Variants in APC observed in about 807,000 individuals in gnomAD.
APC encodes adenomatous polyposis coli protein.
APC carries 72 observed loss-of-function variants against 247.0 expected under a neutral mutation model. The observed-to-expected ratio is 0.29, with a 90% CI of 0.24 to 0.35. The LOEUF is 0.35. APC is among the 10% of genes least tolerant of loss of function. The pLI is 1.00. For synonymous variants in APC, 1,254 were observed against 1,162.5 expected, an observed-to-expected ratio of 1.08 and a Z score of -1.60; for missense variants, 3,400 against 3,360.7, an observed-to-expected ratio of 1.01 and a Z score of -0.29.
chr5:112,812,825 A>G (rs1203348824), intron 8 of APC, among the ~76,000 whole-genome samples: 1 of 152,218 alleles, frequency 6.6e-6, no homozygotes, highest in Non-Finnish European at 1.5e-5. Flanking sequence ...GGCTCAGGCA[A>G]TATTTGTTGC....
rs763673039 is a variant in APC at position 112,844,334 on chromosome 5, AAAAT to A, written c.*210_*213del. 615 of 578,182 alleles carry A rather than the reference AAAAT, an allele frequency of 1.1e-3. 1 individual carries two copies. Among genetic ancestry groups the A allele is most frequent in the Non-Finnish European group, 1.5e-3 (498 of 332,050 alleles). The allele number at this position is 578,182 out of a possible 1,614,324, so 35.8% of individuals were successfully genotyped here. A position where few individuals can be genotyped will look rare whatever the true frequency, so the allele number is the denominator to read the frequency against. On this transcript the variant is annotated 3_prime_UTR_variant, in exon 16 of 16. Transcript: ENST00000257430. ...GGAGGCACTCTTGATGGTTAGGAAA[AAAAT>A]AGTAAAGCCAAGTATGTTTGTACAG...
intron 6 of APC, among the ~76,000 whole-genome samples, chr5:112,787,534 G>C (rs955748611): frequency 6.6e-6 from 1 of 152,140 alleles, no homozygotes; most frequent in Non-Finnish European, 1.5e-5. Flanking sequence ...CTTAAACTTT[G>C]TATTTTCCTG....
At chr5:112,752,401 T>G (rs1754481842) in intron 1 of APC, among the ~76,000 whole-genome samples, 1 of 152,206 alleles carries the variant, frequency 6.6e-6, no homozygotes, top group Admixed American at 6.5e-5. Flanking sequence ...TAAATTTATT[T>G]TCTAATGAAC....
intron 5 of APC, among the ~76,000 whole-genome samples, chr5:112,777,269 T>C (rs1757758050): frequency 1.3e-5 from 2 of 151,464 alleles, no homozygotes; most frequent in Admixed American, 1.3e-4. Context: ...ATTTTCTTTA[T>C]ACACACACAC....
intron 7 of APC, among the ~76,000 whole-genome samples, chr5:112,798,737 T>C (rs1760472490): frequency 6.6e-6 from 1 of 151,412 alleles, no homozygotes; most frequent in African/African-American, 2.4e-5. Flanking sequence ...AGTGAAAGAA[T>C]AAAAAAAAGT....
chr5:112,740,505 G>GT (rs1376170959), intron 1 of APC, among the ~76,000 whole-genome samples: 2 of 125,160 alleles, frequency 1.6e-5, no homozygotes, highest in South Asian at 5.4e-4. Context: ...TGAAGTTTTT[G>GT]TTTTTTGTGT....
intron 4 of APC, among the ~76,000 whole-genome samples, chr5:112,769,380 A>C (rs1756768579): frequency 6.6e-6 from 1 of 152,086 alleles, no homozygotes; most frequent in South Asian, 2.1e-4. Context: ...TATAAGTTTT[A>C]ATACCTGAAA....
intron 4 of APC, among the ~76,000 whole-genome samples, chr5:112,773,924 T>C (rs1757320467): frequency 6.6e-6 from 1 of 152,030 alleles, no homozygotes; most frequent in African/African-American, 2.4e-5. Flanking sequence ...TTAAAAAAAC[T>C]AGACATGAAA....
At chr5:112,740,205 C>T (rs950801245) in intron 1 of APC, among the ~76,000 whole-genome samples, 7 of 152,278 alleles carry the variant, frequency 4.6e-5, no homozygotes, top group Non-Finnish European at 1.0e-4. Context: ...AATGGAGAAG[C>T]AGCAGTTTTC....
At position 112,843,266 on chromosome 5, in the gene APC, C is replaced by G. The variant is rs766065118; in HGVS notation, c.7672C>G (p.Leu2558Val). 6.2e-7 allele frequency: 1 copy of G among 1,613,636 alleles called. No homozygotes were observed. Among genetic ancestry groups the G allele is most frequent in the Non-Finnish European group, 8.5e-7 (1 of 1,179,578 alleles). Reference sequence around the variant, plus strand: ...TGAGCACAGCAAACATTCATCATCCCTTCCTCGAGTAAGCACTTGGAGAAG... The same window carrying G: ...TGAGCACAGCAAACATTCATCATCCGTTCCTCGAGTAAGCACTTGGAGAAG... The part of the protein sequence containing the change: ...KREHSKHSSS[L>V]PRVSTWRRTG... The change falls in exon 16 of 16, where the codon CTT becomes GTT. Residue 2558 changes from leucine (L) to valine (V), a missense_variant. Transcript: ENST00000257430. This position sits in a 1 kb window ranked among gnomAD's most constrained non-coding sequence, Gnocchi z 4.8.
At chr5:112,737,330 C>G (rs1454700435), upstream of APC, among the ~76,000 whole-genome samples, 2 of 152,164 alleles carry the variant, frequency 1.3e-5, no homozygotes, top group Admixed American at 6.5e-5. Context: ...ACCCAGACTT[C>G]CAGAGTTCTG....
intron 1 of APC, among the ~76,000 whole-genome samples, chr5:112,739,397 A>G (rs1432785579): frequency 6.6e-6 from 1 of 152,240 alleles, no homozygotes; most frequent in East Asian, 1.9e-4. Context: ...TGTAATAGAA[A>G]GTCTTAAGAT....
intron 1 of APC, among the ~76,000 whole-genome samples, chr5:112,716,106 A>G (rs2149647555): frequency 6.6e-6 from 1 of 151,856 alleles, no homozygotes; most frequent in Admixed American, 6.6e-5. Context: ...TGTTGCGTTA[A>G]TTTCTGCTTC....
intron 14 of APC, among the ~76,000 whole-genome samples, chr5:112,832,708 C>T (rs140077769): frequency 0.01 from 1,562 of 152,298 alleles, 13 homozygotes; most frequent in Non-Finnish European, 0.016. Context: ...ACTGGATTCT[C>T]TTCTCTGGGA....
chr5:112,726,844 A>G (rs534745409), intron 1 of APC, among the ~76,000 whole-genome samples: 3 of 152,250 alleles, frequency 2.0e-5, no homozygotes, highest in African/African-American at 7.2e-5. Context: ...AAGACTTATA[A>G]AGTAAATATG....
At chr5:112,748,424 A>G (rs895076257) in intron 1 of APC, among the ~76,000 whole-genome samples, 16 of 152,206 alleles carry the variant, frequency 1.1e-4, no homozygotes, top group African/African-American at 3.6e-4. Flanking sequence ...AGATGTTTCT[A>G]TTTTGTTTCT....
intron 10 of APC, among the ~76,000 whole-genome samples, chr5:112,820,204 C>T (rs949716140): frequency 6.6e-6 from 1 of 152,044 alleles, no homozygotes; most frequent in Non-Finnish European, 1.5e-5. Flanking sequence ...CACACACACA[C>T]ACACACACAC....
intron 8 of APC, among the ~76,000 whole-genome samples, chr5:112,812,044 A>AT (rs1762039363): frequency 6.6e-6 from 1 of 152,212 alleles, no homozygotes; most frequent in Non-Finnish European, 1.5e-5. Flanking sequence ...GGCAGTTCAC[A>AT]GCATAGTAAC....
intron 1 of APC, among the ~76,000 whole-genome samples, chr5:112,714,595 G>C (rs989945920): frequency 2.6e-5 from 4 of 152,132 alleles, no homozygotes; most frequent in Non-Finnish European, 5.9e-5. Context: ...TATCTTAATG[G>C]TGGTAAATTA....
Sources: allele counts gnomAD v4.1 joint callset (sites outside exome capture counted in the v4.1 genomes callset), GRCh38; gene constraint gnomAD v4.1.1; non-coding constraint Gnocchi (gnomAD v3.1); transcripts MANE v1.5; gene names NCBI Gene and HGNC (gene_info 2026-07-23, HGNC 2026-07-21).